The following LGSN variants were observed in gnomAD, a reference collection of about 807,000 sequenced individuals.
LGSN encodes lengsin.
In LGSN, 21 loss-of-function variants were observed where a neutral mutation model predicts 19.5. The ratio of observed to expected loss-of-function variants is 1.07; its 90% CI spans 0.76 to 1.55. The LOEUF is 1.55. Among genes scored for constraint, LGSN ranks in the 40% most tolerant of loss-of-function variants. The pLI is 0.00. For synonymous variants in LGSN, 257 were observed against 215.6 expected (o/e 1.19, Z -1.68); for missense variants, 673 against 608.5 (o/e 1.11, Z -1.12).
the LGSN span, among the ~76,000 whole-genome samples, chr6:63,411,883 C>G: frequency 6.6e-6 from 1 of 151,982 alleles, no homozygotes; most frequent in South Asian, 2.1e-4. Context: ...TACTTAAGCA[C>G]TATCAAATGT....
rs747110938 is a variant in LGSN at position 63,277,329 on chromosome 6, C to T, written c.*2692G>A. The T allele has an allele frequency of 1.3e-5, 2 of 152,132 alleles. No individual in the cohort carries two copies. Among genetic ancestry groups the T allele is most frequent in the African/African-American group, 2.4e-5 (1 of 41,422 alleles). 9.4% of individuals were successfully genotyped at this position (152,132 alleles called of 1,614,324 possible). On this transcript the variant is annotated 3_prime_UTR_variant, in exon 4 of 4. Coordinates refer to ENST00000370657, the MANE Select transcript of LGSN (RefSeq NM_016571.3). ...TTTATAGGGATGGGTTAGAGCCAAT[C>T]CCATTTTTTGGATGTGTGGATCCCT...
chr6:63,494,100 C>T, the LGSN span, among the ~76,000 whole-genome samples: 1 of 151,998 alleles, frequency 6.6e-6, no homozygotes, highest in Non-Finnish European at 1.5e-5. Context: ...CAGGCATGTG[C>T]CACCGTGTCC....
In LGSN at chr6:63,280,695, T is replaced by A; in HGVS notation, c.856A>T (p.Arg286Ter). ...CTTGCCACTTCTTTGACACCTGTTC[T>A]GAGGGTAAATGCATTATCAGCTGAG... ...ISSADNAFTL[R>*]TGVKEVARKY... The change falls in exon 4 of 4, where the codon AGA (arginine) becomes TGA (stop). Residue 286 changes from arginine (R) to a stop codon, truncating the protein, a stop_gained. Coordinates refer to ENST00000370657, the MANE Select transcript of LGSN (RefSeq NM_016571.3). LOFTEE classifies it low-confidence loss of function (END_TRUNC). 6.2e-7 allele frequency: 1 copy of A among 1,614,122 alleles called. No homozygotes were observed. Among genetic ancestry groups the A allele is most frequent in the South Asian group, 1.1e-5 (1 of 91,082 alleles).
chr6:63,406,338 C>A, the LGSN span, among the ~76,000 whole-genome samples: 1 of 152,092 alleles, frequency 6.6e-6, no homozygotes, highest in Non-Finnish European at 1.5e-5. Context: ...TCTCAGACCA[C>A]AGTGCAATCA....
At chr6:63,345,155 T>C in the LGSN span, among the ~76,000 whole-genome samples, 1 of 152,326 alleles carries the variant, frequency 6.6e-6, no homozygotes, top group Middle Eastern at 3.4e-3. Context: ...AATATTATTA[T>C]GCTAATGCTA....
chr6:63,413,660 A>C, the LGSN span, among the ~76,000 whole-genome samples: 1 of 152,190 alleles, frequency 6.6e-6, no homozygotes, highest in African/African-American at 2.4e-5. Context: ...TCCACCCACT[A>C]TATGTATTGC....
the LGSN span, among the ~76,000 whole-genome samples, chr6:63,347,024 AC>A: frequency 1.3e-5 from 2 of 152,180 alleles, no homozygotes; most frequent in Non-Finnish European, 2.9e-5. Flanking sequence ...TCAGATGCCC[AC>A]CAAAAGTTGC....
At chr6:63,484,087 G>A in the LGSN span, among the ~76,000 whole-genome samples, 1,083 of 152,246 alleles carry the variant, frequency 7.1e-3, 9 homozygotes, top group African/African-American at 0.025. Context: ...CCAGGAGTTC[G>A]AGGTTACAGT....
At chr6:63,485,494 A>G in the LGSN span, among the ~76,000 whole-genome samples, 2 of 152,228 alleles carry the variant, frequency 1.3e-5, no homozygotes, top group African/African-American at 2.4e-5. Flanking sequence ...TGCAATGAAT[A>G]TATGCGTACA....
chr6:63,412,922 G>A, the LGSN span, among the ~76,000 whole-genome samples: 2 of 149,534 alleles, frequency 1.3e-5, no homozygotes, highest in African/African-American at 4.9e-5. Flanking sequence ...AAGGAAGAAA[G>A]GAAGGAAGGA....
At chr6:63,421,406 C>A in the LGSN span, among the ~76,000 whole-genome samples, 14 of 132,720 alleles carry the variant, frequency 1.1e-4, no homozygotes, top group African/African-American at 3.4e-4. Context: ...GCCTGGGCGA[C>A]AAAGCAAGAT....
At chr6:63,358,317 C>T in the LGSN span, among the ~76,000 whole-genome samples, 2,497 of 152,274 alleles carry the variant, frequency 0.016, 34 homozygotes, top group Non-Finnish European at 0.024. Context: ...GCAATGTGGG[C>T]TCTTTTTTGG....
the LGSN span, among the ~76,000 whole-genome samples, chr6:63,390,039 A>G: frequency 6.6e-6 from 1 of 151,976 alleles, no homozygotes; most frequent in Non-Finnish European, 1.5e-5. Context: ...AAATGAAGAG[A>G]AAAGACTCTA....
At chr6:63,382,613 C>G in the LGSN span, among the ~76,000 whole-genome samples, 1 of 152,262 alleles carries the variant, frequency 6.6e-6, no homozygotes, top group South Asian at 2.1e-4. Context: ...CTCACTGTCT[C>G]AGAAGGACAG....
the LGSN span, chr6:63,549,049 G>T: frequency 2.8e-6 from 2 of 723,334 alleles, no homozygotes; most frequent in Admixed American, 1.9e-5. Context: ...ATCACCACCG[G>T]CTGAGCTTTC....
the LGSN span, among the ~76,000 whole-genome samples, chr6:63,343,864 A>G: frequency 6.6e-6 from 1 of 152,292 alleles, no homozygotes; most frequent in African/African-American, 2.4e-5. Context: ...GAGAGGTAGG[A>G]AGCCACTAGG....
At chr6:63,524,046 A>T in the LGSN span, among the ~76,000 whole-genome samples, 496 of 152,054 alleles carry the variant, frequency 3.3e-3, 2 homozygotes, top group African/African-American at 0.011. Flanking sequence ...CAATGGTGCC[A>T]TCTTGGCTCA....
At chr6:63,534,729 C>T in the LGSN span, among the ~76,000 whole-genome samples, 1 of 143,442 alleles carries the variant, frequency 7.0e-6, no homozygotes, top group East Asian at 2.0e-4. Flanking sequence ...AGGTGGATCA[C>T]CTGAGGTCAG....
chr6:63,517,567 T>C, the LGSN span, among the ~76,000 whole-genome samples: 2 of 152,076 alleles, frequency 1.3e-5, no homozygotes, highest in African/African-American at 4.8e-5. Flanking sequence ...AAAGAAACAA[T>C]TTTGTAAAGG....
Sources: allele counts gnomAD v4.1 joint callset (sites outside exome capture counted in the v4.1 genomes callset), GRCh38; gene constraint gnomAD v4.1.1; transcripts MANE v1.5; gene names NCBI Gene and HGNC (gene_info 2026-07-23, HGNC 2026-07-21).